Variants in AGTPBP1 observed in about 807,000 individuals in gnomAD.
The protein encoded by AGTPBP1 is ATP/GTP binding carboxypeptidase 1, also known as cytosolic carboxypeptidase 1.
Under a neutral mutation model 143.9 loss-of-function variants are expected in AGTPBP1, and 70 were observed. That is an observed-to-expected ratio of 0.49 (90% confidence interval 0.40 to 0.59). The LOEUF is 0.59. Among genes scored for constraint, AGTPBP1 ranks in the 20% least tolerant of loss-of-function variants. The pLI is 0.00. For missense variants in AGTPBP1, 1,229 were observed against 1,464.5 expected, an observed-to-expected ratio of 0.84 and a Z score of 2.62; for synonymous variants, 463 against 500.2, an observed-to-expected ratio of 0.93 and a Z score of 0.99.
At chr9:85,697,514 G>A (rs1293654186) in intron 2 of AGTPBP1, among the ~76,000 whole-genome samples, 3 of 138,930 alleles carry the variant, frequency 2.2e-5, no homozygotes, top group Non-Finnish European at 3.0e-5. Flanking sequence ...GTGCAGTGGC[G>A]CAATCTCGGC....
chr9:85,784,334 G>C, the AGTPBP1 span, among the ~76,000 whole-genome samples: 1 of 152,172 alleles, frequency 6.6e-6, no homozygotes, highest in Non-Finnish European at 1.5e-5. Flanking sequence ...GTGAGCCTCA[G>C]CAATGAGCCT....
intron 22 of AGTPBP1, among the ~76,000 whole-genome samples, chr9:85,585,855 C>T (rs934972429): frequency 1.3e-5 from 2 of 152,174 alleles, no homozygotes; most frequent in African/African-American, 4.8e-5. Context: ...TAAGAAATAA[C>T]ACATTCCATT....
chr9:85,603,089 A>C (rs571083845), intron 17 of AGTPBP1, among the ~76,000 whole-genome samples: 1 of 152,308 alleles, frequency 6.6e-6, no homozygotes, highest in Non-Finnish European at 1.5e-5. Context: ...CTAGGTCACA[A>C]GAACTGAAAT....
the AGTPBP1 span, among the ~76,000 whole-genome samples, chr9:85,797,962 C>G: frequency 1.3e-5 from 2 of 152,062 alleles, no homozygotes; most frequent in African/African-American, 4.8e-5. Flanking sequence ...GCATAATCTC[C>G]GCTCACTGCA....
intron 1 of AGTPBP1, chr9:85,741,345 C>T: frequency 2.0e-6 from 2 of 985,196 alleles, no homozygotes; most frequent in Non-Finnish European, 2.4e-6. Context: ...CCCGCTACCA[C>T]TGGGGCGGGG....
At position 85,572,122 on chromosome 9, in the gene AGTPBP1, G is replaced by A. The variant is rs991315372; in HGVS notation, c.3503+3193C>T. Among the ~76,000 whole-genome samples the A allele has an allele frequency of 2.8e-5, 4 of 145,010 alleles. No individual in the cohort carries two copies. In the South Asian group the frequency reaches 8.9e-4, roughly 32 times the overall value. ...ACTCACTGCAACCTCCGCCTCTTGGGTTCAAGCGATTCTCCTGCCTCAGCC... is the reference window on the plus strand; with the variant it reads ...ACTCACTGCAACCTCCGCCTCTTGGATTCAAGCGATTCTCCTGCCTCAGCC... On this transcript the variant is annotated intron_variant, in intron 25 of 25. Coordinates refer to ENST00000357081, the MANE Select transcript of AGTPBP1 (RefSeq NM_001330701.2).
At chr9:85,550,096 G>A (rs970942188) in intron 25 of AGTPBP1, among the ~76,000 whole-genome samples, 4 of 152,046 alleles carry the variant, frequency 2.6e-5, no homozygotes, top group Non-Finnish European at 4.4e-5. Context: ...GTGCTAGCTC[G>A]GGCACATTAG....
At position 85,662,703 on chromosome 9, in the gene AGTPBP1, A is replaced by T. The variant is rs147806120; in HGVS notation, c.663-1730T>A. ...TTTTGTTCCACAGAACTGAAATATA[A>T]CATGCCTAGGGCCACATAAAATCTC... is the stretch of plus-strand genomic sequence containing the variant. On this transcript the variant is annotated intron_variant, in intron 8 of 25. Transcript: ENST00000357081. Among the ~76,000 whole-genome samples, 51 of 152,310 alleles carry T rather than the reference A, an allele frequency of 3.3e-4. No individual in the cohort carries two copies. The East Asian group carries it at 8.5e-3, about 25-fold the overall frequency.
intron 25 of AGTPBP1, among the ~76,000 whole-genome samples, chr9:85,562,097 C>T (rs568937085): frequency 8.0e-4 from 122 of 152,008 alleles, no homozygotes; most frequent in Middle Eastern, 3.4e-3. Context: ...CCCAAAAATA[C>T]ACTTTTATAT....
chr9:85,741,816 A>C lies in AGTPBP1; in HGVS notation c.-75T>G. 7.2e-7 allele frequency: 1 copy of C among 1,387,372 alleles called. No homozygotes were observed. Among genetic ancestry groups the C allele is most frequent in the Non-Finnish European group, 9.3e-7 (1 of 1,072,658 alleles). The allele number at this position is 1,387,372 out of a possible 1,614,324, so 85.9% of individuals were successfully genotyped here. A position where few individuals can be genotyped will look rare whatever the true frequency, so the allele number is the denominator to read the frequency against. Reference sequence around the variant, plus strand: ...GCTGGCGGGGACCGCGCAGAGCCGCAGCACCCGGCTCAGCACCTGGATCAC... The same window carrying C: ...GCTGGCGGGGACCGCGCAGAGCCGCCGCACCCGGCTCAGCACCTGGATCAC... On this transcript the variant is annotated 5_prime_UTR_variant, in exon 1 of 26. Coordinates refer to ENST00000357081, the MANE Select transcript of AGTPBP1 (RefSeq NM_001330701.2).
intron 1 of AGTPBP1, among the ~76,000 whole-genome samples, chr9:85,730,169 TGA>T (rs957395450): frequency 2.0e-5 from 3 of 152,200 alleles, no homozygotes; most frequent in Admixed American, 6.5e-5. Flanking sequence ...TGGTAAGATG[TGA>T]GAGTTGTTCC....
intron 7 of AGTPBP1, among the ~76,000 whole-genome samples, chr9:85,670,810 A>G (rs1040947797): frequency 6.6e-6 from 1 of 152,216 alleles, no homozygotes; most frequent in East Asian, 1.9e-4. Flanking sequence ...AATATTTCGT[A>G]GGATGATCTT....
At chr9:85,681,122 A>G (rs1196289587) in intron 4 of AGTPBP1, 146 bp downstream of exon 4, 1 of 734,320 alleles carries the variant, frequency 1.4e-6, no homozygotes, top group Non-Finnish European at 2.2e-6. Context: ...TTACCTCTAA[A>G]ACAAAAATTA....
At chr9:85,671,029 C>A (rs919929850) in intron 7 of AGTPBP1, among the ~76,000 whole-genome samples, 3 of 152,040 alleles carry the variant, frequency 2.0e-5, no homozygotes, top group African/African-American at 7.2e-5. Flanking sequence ...GCAGCCTTAA[C>A]CTCCTGGGCT....
chr9:85,638,851 A>G (rs1832260393), intron 13 of AGTPBP1, among the ~76,000 whole-genome samples: 1 of 152,070 alleles, frequency 6.6e-6, no homozygotes, highest in Non-Finnish European at 1.5e-5. Context: ...CAAGTGAGAA[A>G]TTTTTTCATT....
intron 17 of AGTPBP1, among the ~76,000 whole-genome samples, chr9:85,613,300 A>G (rs1339048435): frequency 6.6e-6 from 1 of 152,010 alleles, no homozygotes; most frequent in Non-Finnish European, 1.5e-5. Context: ...AAAAAGAAAA[A>G]AAAATCAGCC....
At chr9:85,801,328 T>G in the AGTPBP1 span, among the ~76,000 whole-genome samples, 3 of 152,298 alleles carry the variant, frequency 2.0e-5, no homozygotes, top group East Asian at 3.9e-4. Flanking sequence ...AATAATAATT[T>G]TAATTTTTGT....
chr9:85,708,703 T>C (rs1837177077), intron 2 of AGTPBP1, among the ~76,000 whole-genome samples: 1 of 151,990 alleles, frequency 6.6e-6, no homozygotes, highest in African/African-American at 2.4e-5. Context: ...ACGCCCGTAG[T>C]TTTTATATTT....
intron 1 of AGTPBP1, among the ~76,000 whole-genome samples, chr9:85,717,521 A>C (rs1445754658): frequency 6.6e-6 from 1 of 152,004 alleles, no homozygotes; most frequent in Non-Finnish European, 1.5e-5. Context: ...ATAAAATAAA[A>C]ATAACTGAAC....
Sources: allele counts gnomAD v4.1 joint callset (sites outside exome capture counted in the v4.1 genomes callset), GRCh38; gene constraint gnomAD v4.1.1; transcripts MANE v1.5; gene names NCBI Gene and HGNC (gene_info 2026-07-23, HGNC 2026-07-21).